KPNA7: variants seen among roughly 807,000 people sequenced by gnomAD.
The protein encoded by KPNA7 is importin subunit alpha-8.
In KPNA7, 54 loss-of-function variants were observed where a neutral mutation model predicts 53.7. The observed-to-expected ratio is 1.01, with a 90% CI of 0.81 to 1.26. The LOEUF is 1.26. Among genes scored for constraint, KPNA7 ranks in the 50% most tolerant of loss-of-function variants. The probability of loss-of-function intolerance (pLI) is 0.00; values close to 1 mark genes in which losing one functional copy is unlikely to be tolerated. For missense variants in KPNA7, 640 were observed against 644.5 expected, an observed-to-expected ratio of 0.99 and a Z score of 0.07; for synonymous variants, 276 against 259.3, an observed-to-expected ratio of 1.06 and a Z score of -0.62.
intron 6 of KPNA7, among the ~76,000 whole-genome samples, chr7:99,190,152 G>A (rs1350664188): frequency 6.6e-6 from 1 of 151,884 alleles, no homozygotes; most frequent in Non-Finnish European, 1.5e-5. Flanking sequence ...GCCTGGCCAA[G>A]ATGGTGAAAC....
At chr7:99,219,370 C>A (rs1791291137) in intron 1 of KPNA7, among the ~76,000 whole-genome samples, 1 of 152,160 alleles carries the variant, frequency 6.6e-6, no homozygotes, top group African/African-American at 2.4e-5. Context: ...CCTAAACTTG[C>A]ACAGAAGGCT....
At chr7:99,217,405 A>G (rs1223231427) in intron 1 of KPNA7, among the ~76,000 whole-genome samples, 1 of 152,164 alleles carries the variant, frequency 6.6e-6, no homozygotes, top group African/African-American at 2.4e-5. Flanking sequence ...CTAAAAACAC[A>G]TGTTGGATTC....
In KPNA7 at chr7:99,196,133, C is replaced by T; in HGVS notation, c.235G>A (p.Val79Met). Residue 79 changes from valine (V) to methionine (M), a missense_variant, in exon 4 of 11, where the codon GTG (valine) becomes ATG (methionine). Physicochemically the swap from Val to Met is conservative, Grantham distance 21. Transcript: ENST00000327442. Reference protein sequence around the residue: ...SLTLGEIIKGVNSSDPVLCFQ... With the variant: ...SLTLGEIIKGMNSSDPVLCFQ... ...CATAGGACTGGATCTGAGCTATTCA[C>T]ACCTTTGATTATTTCACCCAGAGTG... 6.4e-7 allele frequency: 1 copy of T among 1,551,832 alleles called. No individual in the cohort carries two copies. The highest frequency in any genetic ancestry group is 1.2e-5 in the South Asian group (1 of 84,064).
At chr7:99,199,462 T>C (rs1482598310) in intron 3 of KPNA7, among the ~76,000 whole-genome samples, 1 of 152,182 alleles carries the variant, frequency 6.6e-6, no homozygotes, top group Non-Finnish European at 1.5e-5. Context: ...TCAATTGATT[T>C]TTTTGACAAA....
At chr7:99,166,855 G>A in the KPNA7 span, among the ~76,000 whole-genome samples, 15 of 150,700 alleles carry the variant, frequency 1.0e-4, no homozygotes, top group African/African-American at 3.4e-4. Flanking sequence ...TCCTGACCTC[G>A]TGATCCACCA....
downstream of KPNA7, among the ~76,000 whole-genome samples, chr7:99,172,716 G>T (rs958628525): frequency 6.6e-5 from 10 of 152,100 alleles, no homozygotes; most frequent in African/African-American, 2.4e-4. Context: ...AAGAAGGCCA[G>T]TAACACTGTC....
At chr7:99,171,554 G>A (rs1450142184), downstream of KPNA7, among the ~76,000 whole-genome samples, 1 of 152,112 alleles carries the variant, frequency 6.6e-6, no homozygotes, top group African/African-American at 2.4e-5. Context: ...CAATCCTCTC[G>A]CCTTGGCTTC....
At chr7:99,168,738 T>G (rs1563060102), downstream of KPNA7, among the ~76,000 whole-genome samples, 1 of 152,112 alleles carries the variant, frequency 6.6e-6, no homozygotes, top group Non-Finnish European at 1.5e-5. Context: ...CCTCAAACGA[T>G]TCTTCCACCT....
At chr7:99,170,938 TCAAAA>T (rs914577294), downstream of KPNA7, among the ~76,000 whole-genome samples, 1 of 151,768 alleles carries the variant, frequency 6.6e-6, no homozygotes, top group Admixed American at 6.6e-5. Flanking sequence ...CAACCAGGAG[TCAAAA>T]CAAAGTCCAT....
chr7:99,182,021 G>T lies in KPNA7; in HGVS notation c.1179C>A (p.Asn393Lys). 1 of 1,547,962 alleles carries T rather than the reference G, an allele frequency of 6.5e-7. No individual in the cohort carries two copies. Among genetic ancestry groups the T allele is most frequent in the South Asian group, 1.2e-5 (1 of 83,890 alleles). Reference sequence around the variant, plus strand: ...GATCCATGGTGGCCCCTGTTGCAAAGTTCGCCACCATCCAGACAGCCTCTT... The same window carrying T: ...GATCCATGGTGGCCCCTGTTGCAAATTTCGCCACCATCCAGACAGCCTCTT... ...VQKEAVWMVA[N>K]FATGATMDQL... Residue 393 changes from asparagine (N) to lysine (K), a missense_variant, in exon 9 of 11, where the codon AAC (asparagine) becomes AAA (lysine). Physicochemically the swap from Asn to Lys is moderately conservative, Grantham distance 94. Coordinates refer to ENST00000327442, the MANE Select transcript of KPNA7 (RefSeq NM_001145715.3).
rs149883499 is a variant in KPNA7, at chr7:99,185,144, C to A, written c.919G>T (p.Val307Leu). The A allele has an allele frequency of 6.4e-7, 1 of 1,551,774 alleles. No individual in the cohort carries two copies. The highest frequency in any genetic ancestry group is 1.4e-5 in the African/African-American group (1 of 72,996). The part of the protein sequence containing the change: ...LNVLTPSLRT[V>L]GNIVTGTDEQ... ...TCTGTGCCCGTGACAATGTTCCCCA[C>A]GGTGCGGAGAGAAGGAGTCTGGAAG... The change falls in exon 8 of 11, where the codon GTG becomes TTG. Residue 307 changes from valine to leucine, a missense_variant. Physicochemically the swap from Val to Leu is conservative, Grantham distance 32 (BLOSUM62 1). Transcript: ENST00000327442.
intron 8 of KPNA7, among the ~76,000 whole-genome samples, chr7:99,184,284 T>C (rs1424595162): frequency 6.6e-6 from 1 of 151,492 alleles, no homozygotes; most frequent in East Asian, 1.9e-4. Flanking sequence ...CCTCCCAAGA[T>C]GCTGGGACTA....
intron 1 of KPNA7, among the ~76,000 whole-genome samples, chr7:99,216,550 G>C (rs1791221106): frequency 7.9e-6 from 1 of 126,884 alleles, no homozygotes; most frequent in Non-Finnish European, 1.7e-5. Context: ...AGGCTCCCAA[G>C]CTTCTTACCA....
upstream of KPNA7, among the ~76,000 whole-genome samples, chr7:99,209,962 C>T (rs900886977): frequency 2.6e-5 from 4 of 152,044 alleles, no homozygotes; most frequent in Non-Finnish European, 5.9e-5. Context: ...GCCACGATTG[C>T]ACCACTGCAC....
intron 9 of KPNA7, 96 bp downstream of exon 9, chr7:99,181,787 C>G (rs1455812652): frequency 8.9e-7 from 1 of 1,127,090 alleles, no homozygotes; most frequent in Admixed American, 3.1e-5. Flanking sequence ...CTGTCTCAGC[C>G]TCCCAAAGTA....
chr7:99,164,969 C>T, the KPNA7 span, among the ~76,000 whole-genome samples: 4 of 152,024 alleles, frequency 2.6e-5, no homozygotes, highest in African/African-American at 7.2e-5. Context: ...TGGCAGTACC[C>T]GCCTGTAGTC....
chr7:99,206,754 G>C (rs1179836882), intron 2 of KPNA7, among the ~76,000 whole-genome samples: 1 of 152,126 alleles, frequency 6.6e-6, no homozygotes, highest in Non-Finnish European at 1.5e-5. Context: ...ACAGGCATGA[G>C]CTACCATGCC....
chr7:99,171,055 A>T (rs1798761069), downstream of KPNA7, among the ~76,000 whole-genome samples: 1 of 147,340 alleles, frequency 6.8e-6, no homozygotes, highest in African/African-American at 2.7e-5. Context: ...CTCTACTAAT[A>T]AAAAAAATAC....
At chr7:99,148,953 C>T in the KPNA7 span, among the ~76,000 whole-genome samples, 6 of 137,214 alleles carry the variant, frequency 4.4e-5, no homozygotes, top group African/African-American at 1.1e-4. Flanking sequence ...TGGAGTACAA[C>T]GGCACCGTCT....
Sources: gnomAD v4.1 joint callset for allele counts (sites outside exome capture counted in the v4.1 genomes callset) on GRCh38, gnomAD v4.1.1 for gene constraint, MANE v1.5 for transcripts, NCBI Gene and HGNC (gene_info 2026-07-23, HGNC 2026-07-21) for gene names.